Variants in USP32 observed in about 807,000 individuals in gnomAD.
The protein encoded by USP32 is ubiquitin carboxyl-terminal hydrolase 32.
USP32 carries 59 observed loss-of-function variants against 204.8 expected under a neutral mutation model. That is an observed-to-expected ratio of 0.29 (90% confidence interval 0.23 to 0.36). The LOEUF (loss-of-function observed/expected upper bound fraction) is 0.36. Ranked by LOEUF, USP32 falls within the 10% of genes least tolerant of loss-of-function variation. The probability of loss-of-function intolerance (pLI) is 1.00; values close to 1 mark genes in which losing one functional copy is unlikely to be tolerated. For missense variants in USP32, 1,160 were observed against 1,946.4 expected (o/e 0.60, Z 7.60); for synonymous variants, 517 against 678.4 (o/e 0.76, Z 3.70).
chr17:60,242,760 T>C (rs1347446940), intron 11 of USP32, among the ~76,000 whole-genome samples: 2 of 151,962 alleles, frequency 1.3e-5, no homozygotes, highest in Non-Finnish European at 2.9e-5. Context: ...ATGATTCTCC[T>C]TATTCCAGTA....
At chr17:60,186,528 AATT>A (rs2084254742) in intron 29 of USP32, among the ~76,000 whole-genome samples, 1 of 152,330 alleles carries the variant, frequency 6.6e-6, no homozygotes, top group East Asian at 1.9e-4. Flanking sequence ...CCAAGTCTAT[AATT>A]ATCTGTCTCC....
intron 2 of USP32, among the ~76,000 whole-genome samples, chr17:60,332,130 T>C (rs950006173): frequency 1.3e-5 from 2 of 151,766 alleles, no homozygotes; most frequent in South Asian, 2.1e-4. Context: ...TGGTGGTGCA[T>C]GCCTGTAGTC....
At chr17:60,329,108 T>C (rs1409775760) in intron 2 of USP32, among the ~76,000 whole-genome samples, 1 of 152,076 alleles carries the variant, frequency 6.6e-6, no homozygotes, top group African/African-American at 2.4e-5. Context: ...AACACTGTAC[T>C]CCATAAATAT....
rs529979472 is a variant in USP32 at position 60,264,735 on chromosome 17, C to T, written c.990+677G>A. ...AATCAGCCGGCATGGTGGCACACAC[C>T]TGCAGTCCCAGCTACTTTGGAGGCT... On this transcript the variant is annotated intron_variant, in intron 9 of 33. Coordinates refer to ENST00000300896, the MANE Select transcript of USP32 (RefSeq NM_032582.4). Among the ~76,000 whole-genome samples, 8 of 151,802 alleles carry T rather than the reference C, an allele frequency of 5.3e-5. No individual in the cohort carries two copies. The South Asian group carries it at 1.0e-3, about 20-fold the overall frequency.
chr17:60,280,557 A>G (rs2086944908), intron 5 of USP32, among the ~76,000 whole-genome samples: 1 of 152,238 alleles, frequency 6.6e-6, no homozygotes, highest in Non-Finnish European at 1.5e-5. Flanking sequence ...ATGAAAAAGT[A>G]ATTAAAGGCA....
chr17:60,368,438 G>A (rs923161366), intron 1 of USP32, among the ~76,000 whole-genome samples: 2 of 151,944 alleles, frequency 1.3e-5, no homozygotes, highest in Non-Finnish European at 2.9e-5. Context: ...ACATTTAAAA[G>A]AGCTTCTCTA....
intron 1 of USP32, among the ~76,000 whole-genome samples, chr17:60,374,219 T>C (rs2089498362): frequency 6.6e-6 from 1 of 151,794 alleles, no homozygotes; most frequent in Non-Finnish European, 1.5e-5. Flanking sequence ...ACACACACCT[T>C]AGCCTAGGCC....
At chr17:60,266,802 G>A (rs185764276) in intron 7 of USP32, among the ~76,000 whole-genome samples, 18 of 151,888 alleles carry the variant, frequency 1.2e-4, no homozygotes, top group Non-Finnish European at 2.5e-4. Flanking sequence ...CTATAGACAC[G>A]TGCCACCATG....
At chr17:60,325,666 C>T (rs2088215542) in intron 2 of USP32, among the ~76,000 whole-genome samples, 2 of 152,056 alleles carry the variant, frequency 1.3e-5, no homozygotes, top group Admixed American at 1.3e-4. Flanking sequence ...GTGGCTCACA[C>T]CTATAACCCC....
intron 1 of USP32, among the ~76,000 whole-genome samples, chr17:60,404,850 C>T (rs938788977): frequency 6.6e-6 from 1 of 152,096 alleles, no homozygotes; most frequent in African/African-American, 2.4e-5. Flanking sequence ...CTCCAAACAA[C>T]CAAGGAGTAA....
intron 2 of USP32, among the ~76,000 whole-genome samples, chr17:60,315,379 C>G (rs2087949074): frequency 6.6e-6 from 1 of 152,048 alleles, no homozygotes; most frequent in South Asian, 2.1e-4. Context: ...CACACTCCAG[C>G]CTGGGCGACA....
intron 4 of USP32, among the ~76,000 whole-genome samples, chr17:60,293,684 C>A (rs2087345156): frequency 6.6e-6 from 1 of 152,196 alleles, no homozygotes; most frequent in Non-Finnish European, 1.5e-5. Flanking sequence ...TAATGATAGG[C>A]AGTCCAAAGA....
chr17:60,325,972 CAAAAAAAAAAAA>C (rs374347100), intron 2 of USP32, among the ~76,000 whole-genome samples: 1 of 58,282 alleles, frequency 1.7e-5, no homozygotes, highest in Non-Finnish European at 3.7e-5. Context: ...GACTCTGTCT[CAAAAAAAAAAAA>C]AAAAAAAAAG....
At position 60,210,629 on chromosome 17, in the gene USP32, A is replaced by T. The variant is rs191844406; in HGVS notation, c.2424+384T>A. The stretch of plus-strand genomic sequence containing the variant: ...GCCTACTTCTTTGTATTCTACAGAT[A>T]GAACTATCTTAGTTACGTTGAAAAT... On this transcript the variant is annotated intron_variant, in intron 21 of 33. Coordinates refer to ENST00000300896, the MANE Select transcript of USP32 (RefSeq NM_032582.4). Among the ~76,000 whole-genome samples, 12 of 152,366 alleles carry T rather than the reference A, an allele frequency of 7.9e-5. No homozygotes were observed. The East Asian group carries it at 2.3e-3, about 29-fold the overall frequency.
At chr17:60,231,392 T>A in intron 12 of USP32, 1 of 317,676 alleles carries the variant, frequency 3.1e-6, no homozygotes, top group South Asian at 2.6e-5. Context: ...GAGTGCTAGA[T>A]AAAGTAATAA....
At chr17:60,276,802 T>A (rs1197278760) in intron 5 of USP32, among the ~76,000 whole-genome samples, 3 of 152,028 alleles carry the variant, frequency 2.0e-5, no homozygotes, top group East Asian at 3.9e-4. Flanking sequence ...AAGAAAAAAA[T>A]GATCAGATTG....
intron 1 of USP32, among the ~76,000 whole-genome samples, chr17:60,414,059 G>A (rs1187449312): frequency 3.3e-5 from 5 of 151,176 alleles, no homozygotes; most frequent in African/African-American, 1.2e-4. Flanking sequence ...AACAACTCAG[G>A]GACACATATT....
intron 1 of USP32, among the ~76,000 whole-genome samples, chr17:60,353,152 G>A (rs146400293): frequency 1.1e-4 from 17 of 152,202 alleles, no homozygotes; most frequent in African/African-American, 3.1e-4. Context: ...AGGATAGGAC[G>A]CTGAACTTAC....
chr17:60,235,988 T>C (rs1035471418), intron 12 of USP32, 150 bp downstream of exon 12: 2 of 645,562 alleles, frequency 3.1e-6, no homozygotes, highest in Admixed American at 4.9e-5. Flanking sequence ...GCAAGTATCA[T>C]ATAAACACTC....
Sources: allele counts gnomAD v4.1 joint callset (sites outside exome capture counted in the v4.1 genomes callset), GRCh38; gene constraint gnomAD v4.1.1; transcripts MANE v1.5; gene names NCBI Gene and HGNC (gene_info 2026-07-23, HGNC 2026-07-21).